RBFOX1: variants seen among roughly 807,000 people sequenced by gnomAD.
The protein encoded by RBFOX1 is RNA binding protein fox-1 homolog 1.
Under a neutral mutation model 57.7 loss-of-function variants are expected in RBFOX1, and 8 were observed. The observed-to-expected ratio is 0.14, with a 90% CI of 0.08 to 0.25. The LOEUF is 0.25. Among genes scored for constraint, RBFOX1 ranks in the 10% least tolerant of loss-of-function variants. The pLI is 1.00. For missense variants in RBFOX1, 611 were observed against 548.5 expected (o/e 1.11, Z -1.14); for synonymous variants, 326 against 222.4 (o/e 1.47, Z -4.15).
rs145664106 is a variant in RBFOX1, at chr16:5,760,172, G to A, written c.319-107131G>A. Among the ~76,000 whole-genome samples, 217 of 152,142 alleles carry A rather than the reference G, an allele frequency of 1.4e-3. 1 individual carries two copies. Among genetic ancestry groups the A allele is most frequent in the African/African-American group, 4.6e-3 (191 of 41,500 alleles). Reference sequence around the variant, plus strand: ...GTGACCAGGTTGTCCAGATTTGCCCGGAATGTTCCCAGTTTTATCATTGAA... The same window carrying A: ...GTGACCAGGTTGTCCAGATTTGCCCAGAATGTTCCCAGTTTTATCATTGAA... On this transcript the variant is annotated intron_variant, in intron 3 of 19. Coordinates refer to the RBFOX1 transcript ENST00000641259.
intron 4 of RBFOX1, among the ~76,000 whole-genome samples, chr16:7,379,874 A>G (rs1341888762): frequency 2.0e-5 from 3 of 150,810 alleles, no homozygotes; most frequent in Admixed American, 6.6e-5. Flanking sequence ...TTCTTTCTAG[A>G]TAGAGTCTTG....
At chr16:6,915,375 C>G (rs558056001) in intron 3 of RBFOX1, among the ~76,000 whole-genome samples, 2 of 152,174 alleles carry the variant, frequency 1.3e-5, no homozygotes, top group African/African-American at 4.8e-5. Flanking sequence ...AAAGGAAACA[C>G]GCAGCTTCCC....
chr16:7,353,009 C>A (rs1351607448), intron 4 of RBFOX1, among the ~76,000 whole-genome samples: 3 of 152,150 alleles, frequency 2.0e-5, no homozygotes, highest in African/African-American at 7.2e-5. Context: ...AGCCACTGCA[C>A]CCAGCCCATA....
chr16:5,558,862 T>C (rs1393894243), intron 2 of RBFOX1, among the ~76,000 whole-genome samples: 1 of 152,138 alleles, frequency 6.6e-6, no homozygotes, highest in African/African-American at 2.4e-5. Context: ...AAGGTCCACG[T>C]ACAAGAGAGA....
At chr16:7,707,025 A>C (rs758110835) in intron 14 of RBFOX1, among the ~76,000 whole-genome samples, 1 of 152,228 alleles carries the variant, frequency 6.6e-6, no homozygotes, top group Non-Finnish European at 1.5e-5. Flanking sequence ...GGGTGTCCCC[A>C]AAGAATGAAA....
intron 3 of RBFOX1, among the ~76,000 whole-genome samples, chr16:6,865,975 T>C (rs542859445): frequency 1.3e-5 from 2 of 152,212 alleles, no homozygotes; most frequent in South Asian, 2.1e-4. Flanking sequence ...AAGAAATGCA[T>C]TGAAAAAAAC....
intron 4 of RBFOX1, among the ~76,000 whole-genome samples, chr16:7,413,467 A>G (rs1419877565): frequency 6.6e-6 from 1 of 152,048 alleles, no homozygotes; most frequent in Non-Finnish European, 1.5e-5. Flanking sequence ...ATTTCTCACA[A>G]GATCCAAGGT....
chr16:6,647,514 A>T (rs897441327), intron 2 of RBFOX1, among the ~76,000 whole-genome samples: 10 of 151,960 alleles, frequency 6.6e-5, no homozygotes, highest in African/African-American at 2.4e-4. Flanking sequence ...TCCCAAAGTG[A>T]TGGGATTATA....
chr16:5,864,288 C>G (rs9302811), intron 3 of RBFOX1, among the ~76,000 whole-genome samples: 1 of 152,156 alleles, frequency 6.6e-6, no homozygotes, highest in Admixed American at 6.6e-5. Flanking sequence ...TAAAGTGGTA[C>G]GAAGCTTTAT....
At chr16:7,202,333 G>A (rs2088780890) in intron 4 of RBFOX1, among the ~76,000 whole-genome samples, 1 of 151,194 alleles carries the variant, frequency 6.6e-6, no homozygotes, top group South Asian at 2.1e-4. Flanking sequence ...GAAAACACGT[G>A]TTGATAAGGA....
Position 5,356,747 on chromosome 16 carries a change from G to A in RBFOX1, c.220-110469G>A, listed in dbSNP as rs1044047880. Among the ~76,000 whole-genome samples, 5 of 152,308 alleles carry A rather than the reference G, an allele frequency of 3.3e-5. No individual in the cohort carries two copies. In the East Asian group the frequency reaches 9.6e-4, roughly 29 times the overall value. ...AAAGATTGTGGCCTAGAATGCCTTG[G>A]AAATCACTAGGCTTATTGAGGAGGA... On this transcript the variant is annotated intron_variant, in intron 1 of 2. Transcript: ENST00000585867.
chr16:5,519,401 G>T (rs1244985443), intron 2 of RBFOX1, among the ~76,000 whole-genome samples: 1 of 152,132 alleles, frequency 6.6e-6, no homozygotes, highest in Non-Finnish European at 1.5e-5. Context: ...GTGGTAGGAG[G>T]CAGATATGCT....
chr16:6,408,834 C>T (rs2152966770), intron 2 of RBFOX1, among the ~76,000 whole-genome samples: 1 of 152,078 alleles, frequency 6.6e-6, no homozygotes, highest in African/African-American at 2.4e-5. Context: ...TAAAAATGAC[C>T]CATCTTGCTG....
intron 11 of RBFOX1, 115 bp downstream of exon 11, chr16:7,630,798 C>T (rs892366018): frequency 4.0e-6 from 6 of 1,495,822 alleles, no homozygotes; most frequent in Admixed American, 2.5e-5. Flanking sequence ...TTGTGGCTCT[C>T]TCTGAGGTGA....
At chr16:6,915,238 G>C (rs893461953) in intron 3 of RBFOX1, among the ~76,000 whole-genome samples, 1 of 152,136 alleles carries the variant, frequency 6.6e-6, no homozygotes, top group Non-Finnish European at 1.5e-5. Context: ...GATGAAGCCT[G>C]TGGTCCTCAG....
chr16:6,684,155 C>G (rs1250341054), intron 3 of RBFOX1, among the ~76,000 whole-genome samples: 1 of 152,016 alleles, frequency 6.6e-6, no homozygotes, highest in Non-Finnish European at 1.5e-5. Context: ...TTTTATGGTT[C>G]GACTTTAGGA....
At chr16:7,600,494 T>C (rs1480920191) in intron 9 of RBFOX1, among the ~76,000 whole-genome samples, 1 of 152,130 alleles carries the variant, frequency 6.6e-6, no homozygotes, top group African/African-American at 2.4e-5. Context: ...ACGATAGAGT[T>C]ATGGCAAAAG....
Position 5,983,109 on chromosome 16 carries a change from C to T in RBFOX1, c.351+115774C>T, listed in dbSNP as rs142369423. Among the ~76,000 whole-genome samples, 4 of 152,276 alleles carry T rather than the reference C, an allele frequency of 2.6e-5. No individual in the cohort carries two copies. The East Asian group carries it at 5.8e-4, about 22-fold the overall frequency. ...CGACTTCACTTCTCACCTGCATCTC[C>T]GTCTCTCCAATTAACTCCCTGCATT... is the stretch of plus-strand genomic sequence containing the variant. On this transcript the variant is annotated intron_variant, in intron 4 of 19. Coordinates refer to the RBFOX1 transcript ENST00000641259.
chr16:6,727,415 G>GT (rs199899016), intron 3 of RBFOX1, among the ~76,000 whole-genome samples: 84 of 151,172 alleles, frequency 5.6e-4, no homozygotes, highest in South Asian at 1.1e-3. Flanking sequence ...ATTGTTCCTG[G>GT]TTTTTTTTTC....
Sources: gnomAD v4.1 joint callset for allele counts (sites outside exome capture counted in the v4.1 genomes callset) on GRCh38, gnomAD v4.1.1 for gene constraint, MANE v1.5 for transcripts, NCBI Gene and HGNC (gene_info 2026-07-23, HGNC 2026-07-21) for gene names.